SYT16: variants seen among roughly 807,000 people sequenced by gnomAD.
SYT16 encodes the protein synaptotagmin-16.
SYT16 carries 42 observed loss-of-function variants against 61.4 expected under a neutral mutation model. That is an observed-to-expected ratio of 0.68 (90% CI 0.53 to 0.89). The LOEUF (loss-of-function observed/expected upper bound fraction) is 0.89, where lower values mean the gene tolerates loss of function less well. Among genes scored for constraint, SYT16 ranks in the 40% least tolerant of loss-of-function variants. The pLI is 0.00. For synonymous variants in SYT16, 314 were observed against 302.3 expected (o/e 1.04, Z -0.40); for missense variants, 804 against 807.3 (o/e 1.00, Z 0.05).
chr14:61,839,129 T>G (rs1050699861), intron 1 of SYT16, among the ~76,000 whole-genome samples: 1 of 152,182 alleles, frequency 6.6e-6, no homozygotes, highest in African/African-American at 2.4e-5. Flanking sequence ...TGCTGTAGTC[T>G]AAATGTGCCC....
chr14:61,877,861 G>T (rs1411409900), intron 1 of SYT16, among the ~76,000 whole-genome samples: 3 of 152,168 alleles, frequency 2.0e-5, no homozygotes, highest in Non-Finnish European at 4.4e-5. Flanking sequence ...AATTATTTAG[G>T]CGTTAACTAG....
At chr14:61,884,970 A>G (rs2047845070) in intron 1 of SYT16, among the ~76,000 whole-genome samples, 1 of 152,232 alleles carries the variant, frequency 6.6e-6, no homozygotes, top group Non-Finnish European at 1.5e-5. Flanking sequence ...CTCTTTTGAC[A>G]TGGGGCCATA....
At chr14:61,832,249 G>A (rs996907746) in intron 1 of SYT16, 2 of 610,118 alleles carry the variant, frequency 3.3e-6, no homozygotes, top group Admixed American at 1.9e-5. Context: ...TAGTCACGTC[G>A]ATCCACATAA....
chr14:62,060,012 T>C (rs2055756754), intron 3 of SYT16, among the ~76,000 whole-genome samples: 1 of 152,122 alleles, frequency 6.6e-6, no homozygotes, highest in African/African-American at 2.4e-5. Flanking sequence ...GTTGTCTTGA[T>C]TTAATGTAGC....
intron 3 of SYT16, among the ~76,000 whole-genome samples, chr14:62,029,472 T>C (rs2054227953): frequency 6.6e-6 from 1 of 152,302 alleles, no homozygotes; most frequent in Non-Finnish European, 1.5e-5. Flanking sequence ...TTTCTGTTGA[T>C]TGTGAAGACT....
intron 1 of SYT16, among the ~76,000 whole-genome samples, chr14:61,929,512 C>T (rs945320725): frequency 6.6e-6 from 1 of 152,164 alleles, no homozygotes; most frequent in Non-Finnish European, 1.5e-5. Context: ...TTAAATGTTT[C>T]AGGGAAGAAT....
At chr14:62,081,509 A>G (rs2056706935) in intron 6 of SYT16, among the ~76,000 whole-genome samples, 1 of 152,188 alleles carries the variant, frequency 6.6e-6, no homozygotes, top group Non-Finnish European at 1.5e-5. Flanking sequence ...ACAAAATAGC[A>G]GCAGTGTGGT....
At chr14:62,053,506 T>TA (rs1236456801) in intron 3 of SYT16, among the ~76,000 whole-genome samples, 7 of 152,246 alleles carry the variant, frequency 4.6e-5, no homozygotes, top group Non-Finnish European at 1.0e-4. Flanking sequence ...GCTCATCTCT[T>TA]ATAACAAATC....
At chr14:61,864,186 A>G (rs2047055409) in intron 1 of SYT16, among the ~76,000 whole-genome samples, 1 of 152,220 alleles carries the variant, frequency 6.6e-6, no homozygotes, top group Admixed American at 6.5e-5. Flanking sequence ...CAAATTTTCC[A>G]CTATTATGAA....
chr14:62,039,627 A>G (rs946017069), intron 3 of SYT16, among the ~76,000 whole-genome samples: 35 of 152,188 alleles, frequency 2.3e-4, no homozygotes, highest in African/African-American at 8.0e-4. Flanking sequence ...TTAATGCATT[A>G]AGAATAGAGA....
chr14:62,082,792 G>A (rs1348770410), intron 6 of SYT16, among the ~76,000 whole-genome samples: 2 of 152,252 alleles, frequency 1.3e-5, no homozygotes, highest in Admixed American at 6.5e-5. Flanking sequence ...CCTATGCTGT[G>A]TGCTGGTGGC....
chr14:62,033,900 C>T (rs567921796), intron 3 of SYT16, among the ~76,000 whole-genome samples: 13 of 151,544 alleles, frequency 8.6e-5, no homozygotes, highest in East Asian at 3.9e-4. Context: ...GAAAATGATA[C>T]GATGAGCAAA....
intron 1 of SYT16, among the ~76,000 whole-genome samples, chr14:61,910,693 T>G (rs2048901067): frequency 6.6e-6 from 1 of 151,906 alleles, no homozygotes; most frequent in Non-Finnish European, 1.5e-5. Context: ...CACGCCAGGC[T>G]AATTCTTGTA....
intron 2 of SYT16, among the ~76,000 whole-genome samples, chr14:61,995,029 A>T (rs368693367): frequency 6.6e-6 from 1 of 152,176 alleles, no homozygotes. Context: ...GTTGATGAAC[A>T]CTGTAATAGC....
At chr14:61,825,819 A>G (rs113338915) in intron 1 of SYT16, among the ~76,000 whole-genome samples, 7 of 152,334 alleles carry the variant, frequency 4.6e-5, no homozygotes, top group South Asian at 2.1e-4. Flanking sequence ...CATTTAAGAA[A>G]GATTAATAAA....
rs148222863 is a variant in SYT16, at chr14:61,906,902, A to T, written c.-324-63230A>T. On this transcript the variant is annotated intron_variant, in intron 1 of 7. Coordinates refer to ENST00000683842, the MANE Select transcript of SYT16 (RefSeq NM_001367656.1). Reference sequence around the variant, plus strand: ...CTCTGAGGACACAATGGTAAATGAGACACACAGCACTTTGTGTCTCACAGA... The same window carrying T: ...CTCTGAGGACACAATGGTAAATGAGTCACACAGCACTTTGTGTCTCACAGA... Among the ~76,000 whole-genome samples, 138 of 152,314 alleles carry T rather than the reference A, an allele frequency of 9.1e-4. No individual in the cohort carries two copies. The South Asian group carries it at 0.011, about 13-fold the overall frequency.
At chr14:61,957,629 C>T (rs956213389) in intron 1 of SYT16, among the ~76,000 whole-genome samples, 1 of 151,978 alleles carries the variant, frequency 6.6e-6, no homozygotes, top group Non-Finnish European at 1.5e-5. Flanking sequence ...TATGTGGAAC[C>T]ATCCTTGCAT....
rs1217539141 is a variant in SYT16 at position 61,877,928 on chromosome 14, G to T, written c.-325+65118G>T. Among the ~76,000 whole-genome samples the T allele has an allele frequency of 2.0e-5, 3 of 152,308 alleles. No individual in the cohort carries two copies. The East Asian group carries it at 5.8e-4, about 29-fold the overall frequency. On this transcript the variant is annotated intron_variant, in intron 1 of 7. Transcript: ENST00000683842. ...CCCTGGGTGTTTCTGACTAAGCAGG[G>T]TGATAAGAGCAGAATGTCCCAGGCA...
rs1555345830 is a variant in SYT16, at chr14:61,834,428, C to CATTT, written c.-325+21618_-325+21619insATTT. Among the ~76,000 whole-genome samples the CATTT allele has an allele frequency of 2.5e-3, 191 of 76,888 alleles. 1 individual carries two copies. Among genetic ancestry groups the CATTT allele is most frequent in the Non-Finnish European group, 4.0e-3 (173 of 43,296 alleles). The allele number at this position is 76,888 out of a possible 152,430, so 50.4% of individuals were successfully genotyped here. A position where few individuals can be genotyped will look rare whatever the true frequency, so the allele number is the denominator to read the frequency against. ...TACAGGCATGAGCCACCGTGCCTGG[C>CATTT]TTTTTTTTTTTTTTTTTTTTTTTTG... On this transcript the variant is annotated intron_variant, in intron 1 of 7. Coordinates refer to ENST00000683842, the MANE Select transcript of SYT16 (RefSeq NM_001367656.1).
Sources: allele counts gnomAD v4.1 joint callset (sites outside exome capture counted in the v4.1 genomes callset), GRCh38; gene constraint gnomAD v4.1.1; transcripts MANE v1.5; gene names NCBI Gene and HGNC (gene_info 2026-07-23, HGNC 2026-07-21).